The following KCNQ5 variants were observed in gnomAD, a reference collection of about 807,000 sequenced individuals.
KCNQ5 encodes the protein potassium voltage-gated channel subfamily Q member 5.
Under a neutral mutation model 98.2 loss-of-function variants are expected in KCNQ5, and 30 were observed. The observed-to-expected ratio is 0.31, with a 90% CI of 0.23 to 0.41. KCNQ5 has a LOEUF of 0.41. Ranked by LOEUF, KCNQ5 falls within the 10% of genes least tolerant of loss-of-function variation. KCNQ5 has a pLI of 1.00. For synonymous variants in KCNQ5, 458 were observed against 449.4 expected (o/e 1.02, Z -0.24); for missense variants, 835 against 1,182.5 (o/e 0.71, Z 4.31).
chr6:72,723,608 C>A (rs909779765), intron 1 of KCNQ5, among the ~76,000 whole-genome samples: 1 of 152,036 alleles, frequency 6.6e-6, no homozygotes, highest in Non-Finnish European at 1.5e-5. Context: ...TGCCTAGGAA[C>A]CTCTATTCTC....
At chr6:72,696,035 G>T (rs1768477902) in intron 1 of KCNQ5, among the ~76,000 whole-genome samples, 1 of 152,150 alleles carries the variant, frequency 6.6e-6, no homozygotes, top group Non-Finnish European at 1.5e-5. Flanking sequence ...TAAATTGCTG[G>T]TAAGAAGGTA....
intron 1 of KCNQ5, among the ~76,000 whole-genome samples, chr6:72,911,613 A>C (rs956604960): frequency 1.3e-5 from 2 of 152,166 alleles, no homozygotes; most frequent in African/African-American, 4.8e-5. Context: ...TGACAAATGA[A>C]TAACTGTTGA....
chr6:72,841,956 CT>C (rs1159068662), intron 1 of KCNQ5, among the ~76,000 whole-genome samples: 1 of 152,092 alleles, frequency 6.6e-6, no homozygotes, highest in Admixed American at 6.6e-5. Context: ...TCAAGGGGTC[CT>C]TAATTGCTAT....
At chr6:73,150,435 A>G (rs1254163207) in intron 10 of KCNQ5, among the ~76,000 whole-genome samples, 2 of 147,086 alleles carry the variant, frequency 1.4e-5, no homozygotes, top group African/African-American at 2.5e-5. Context: ...ACCCAGAGTA[A>G]TATTAATATA....
intron 1 of KCNQ5, among the ~76,000 whole-genome samples, chr6:72,712,276 G>A (rs528981145): frequency 2.6e-5 from 4 of 152,248 alleles, no homozygotes; most frequent in Admixed American, 6.5e-5. Flanking sequence ...CAAAGAAATA[G>A]CAAAGGAATT....
intron 10 of KCNQ5, among the ~76,000 whole-genome samples, chr6:73,141,423 G>A (rs867896792): frequency 1.3e-5 from 2 of 152,114 alleles, no homozygotes; most frequent in Admixed American, 6.5e-5. Flanking sequence ...TTTTAGTGAC[G>A]GGGAAATGCT....
chr6:72,661,382 G>C (rs10485213), intron 1 of KCNQ5, among the ~76,000 whole-genome samples: 1 of 151,944 alleles, frequency 6.6e-6, no homozygotes, highest in Admixed American at 6.6e-5. Flanking sequence ...CATGATGACT[G>C]TTTCACAATT....
chr6:72,780,089 G>A (rs1330395348), intron 1 of KCNQ5, among the ~76,000 whole-genome samples: 2 of 152,062 alleles, frequency 1.3e-5, no homozygotes, highest in Admixed American at 6.6e-5. Flanking sequence ...TTTAGTTAAA[G>A]GCATTTATTA....
chr6:73,002,411 T>G (rs1237183495), intron 1 of KCNQ5, among the ~76,000 whole-genome samples: 3 of 152,210 alleles, frequency 2.0e-5, no homozygotes, highest in African/African-American at 7.2e-5. Flanking sequence ...ATGTTAATTC[T>G]CAGTTTTCAT....
At chr6:72,930,579 C>CAA (rs5877339) in intron 1 of KCNQ5, among the ~76,000 whole-genome samples, 2,683 of 93,902 alleles carry the variant, frequency 0.029, 79 homozygotes, top group African/African-American at 0.063. Context: ...GACATTTTAC[C>CAA]AAAAAAAAAA....
In KCNQ5 at chr6:73,190,711, A is replaced by T; in HGVS notation, c.1709+7A>T. On this transcript the variant is annotated splice_region_variant and intron_variant, in intron 12 of 13. Coordinates refer to ENST00000370398, the MANE Select transcript of KCNQ5 (RefSeq NM_019842.4). ...TTAAAAGCCTTCAAACACGGTAAGCAATGGAAATGTCATTCCTTGTAAAGG... is the reference window on the plus strand; with the variant it reads ...TTAAAAGCCTTCAAACACGGTAAGCTATGGAAATGTCATTCCTTGTAAAGG... 6.6e-7 allele frequency: 1 copy of T among 1,524,072 alleles called. No individual in the cohort carries two copies. Among genetic ancestry groups the T allele is most frequent in the Admixed American group, 2.0e-5 (1 of 50,812 alleles). 94.4% of individuals were successfully genotyped at this position (1,524,072 alleles called of 1,614,324 possible). A position where few individuals can be genotyped will look rare whatever the true frequency, so the allele number is the denominator to read the frequency against.
chr6:73,150,962 C>T (rs557923308), intron 10 of KCNQ5, among the ~76,000 whole-genome samples: 1 of 152,010 alleles, frequency 6.6e-6, no homozygotes, highest in South Asian at 2.1e-4. Flanking sequence ...AAAAGGACAA[C>T]ATGAGGACTC....
At chr6:72,700,291 A>ATATC (rs70994146) in intron 1 of KCNQ5, among the ~76,000 whole-genome samples, 33,456 of 149,020 alleles carry the variant, frequency 0.22, 3,757 homozygotes, top group East Asian at 0.24. Context: ...CTATATATCT[A>ATATC]TATCTATCTA....
intron 1 of KCNQ5, among the ~76,000 whole-genome samples, chr6:72,767,389 A>G (rs1288629511): frequency 6.6e-6 from 1 of 152,044 alleles, no homozygotes; most frequent in Non-Finnish European, 1.5e-5. Context: ...AGCTCTTAGA[A>G]GAAAACACAG....
At chr6:72,902,753 T>C (rs1212556934) in intron 1 of KCNQ5, among the ~76,000 whole-genome samples, 1 of 152,222 alleles carries the variant, frequency 6.6e-6, no homozygotes, top group Non-Finnish European at 1.5e-5. Flanking sequence ...TAGTATTTTG[T>C]TGATGATCTT....
intron 1 of KCNQ5, among the ~76,000 whole-genome samples, chr6:72,815,827 C>T (rs1296245989): frequency 3.9e-5 from 6 of 152,160 alleles, no homozygotes; most frequent in Admixed American, 2.6e-4. Context: ...CTAGCAGAGC[C>T]AGACAGCCCC....
At chr6:72,824,190 T>C (rs1775880703) in intron 1 of KCNQ5, among the ~76,000 whole-genome samples, 3 of 152,154 alleles carry the variant, frequency 2.0e-5, no homozygotes, top group Admixed American at 2.0e-4. Context: ...TTATGAATCA[T>C]AAATTAATCA....
At chr6:72,727,289 A>G (rs895478247) in intron 1 of KCNQ5, among the ~76,000 whole-genome samples, 21 of 152,236 alleles carry the variant, frequency 1.4e-4, no homozygotes, top group Admixed American at 1.4e-3. Flanking sequence ...TTACACCTTG[A>G]TCAAGATTTA....
chr6:72,832,422 G>T (rs1258728337), intron 1 of KCNQ5, among the ~76,000 whole-genome samples: 1 of 152,014 alleles, frequency 6.6e-6, no homozygotes, highest in Non-Finnish European at 1.5e-5. Flanking sequence ...GAAGGAGAGG[G>T]TGTGATACCA....
Sources: allele counts gnomAD v4.1 joint callset (sites outside exome capture counted in the v4.1 genomes callset), GRCh38; gene constraint gnomAD v4.1.1; transcripts MANE v1.5; gene names NCBI Gene and HGNC (gene_info 2026-07-23, HGNC 2026-07-21).